Variants in DACH2 observed in about 807,000 individuals in gnomAD.
DACH2 encodes the protein dachshund homolog 2.
A neutral mutation model predicts 35.8 loss-of-function variants in DACH2; 17 were observed. The ratio of observed to expected loss-of-function variants is 0.48; its 90% CI spans 0.33 to 0.71. The LOEUF is 0.71. Ranked by LOEUF, DACH2 falls within the 30% of genes least tolerant of loss-of-function variation. The pLI is 0.02. For missense variants in DACH2, 469 were observed against 472.7 expected (o/e 0.99, Z 0.07); for synonymous variants, 195 against 177.3 (o/e 1.10, Z -0.79).
intron 3 of DACH2, among the ~76,000 whole-genome samples, chrX:86,608,665 C>T (rs774777540): frequency 2.7e-5 from 3 of 111,414 alleles, no homozygotes; most frequent in African/African-American, 9.8e-5. Flanking sequence ...TTGTTTGTCT[C>T]GGATAGTCAT....
intron 3 of DACH2, among the ~76,000 whole-genome samples, chrX:86,589,402 T>C (rs2039615330): frequency 9.0e-6 from 1 of 111,489 alleles, no homozygotes; most frequent in Admixed American, 9.6e-5. Flanking sequence ...TATTTATTTT[T>C]TAGATACATT....
rs142882140 is a variant in DACH2, at chrX:86,509,733, C to T, written c.528-4546C>T. Among the ~76,000 whole-genome samples, 863 of 112,041 alleles carry T rather than the reference C, an allele frequency of 7.7e-3. 8 individuals are homozygous for T. Among genetic ancestry groups the T allele is most frequent in the African/African-American group, 0.027 (819 of 30,900 alleles). On this transcript the variant is annotated intron_variant, in intron 2 of 11. Coordinates refer to ENST00000373125, the MANE Select transcript of DACH2 (RefSeq NM_053281.3). ...ATAAAGAGATTCTTATTTAATATAA[C>T]GTGCACATTGAAATTCAGAGCAGCA... is the stretch of plus-strand genomic sequence containing the variant.
intron 7 of DACH2, among the ~76,000 whole-genome samples, chrX:86,783,077 C>A (rs1320310190): frequency 1.8e-5 from 2 of 111,457 alleles, no homozygotes; most frequent in South Asian, 3.7e-4. Context: ...GGAAAAAAAT[C>A]TTATAATCTG....
chrX:86,314,701 C>G (rs1218632263), intron 1 of DACH2, among the ~76,000 whole-genome samples: 1 of 112,022 alleles, frequency 8.9e-6, no homozygotes, highest in African/African-American at 3.2e-5. Flanking sequence ...GCAAAACAGG[C>G]TTTTGCTGAT....
rs1050983975 is a variant in DACH2 at position 86,270,205 on chromosome X, C to T, written c.489-106619C>T. On this transcript the variant is annotated intron_variant, in intron 1 of 11. Coordinates refer to ENST00000373125, the MANE Select transcript of DACH2 (RefSeq NM_053281.3). ...GTCAGAGTAAAGTTGAGTGACCTGC[C>T]GAGCTTTGAAGATGGATATCAGAAC... Among the ~76,000 whole-genome samples, 5 of 108,492 alleles carry T rather than the reference C, an allele frequency of 4.6e-5. No homozygotes were observed. In the East Asian group the frequency reaches 1.2e-3, roughly 25 times the overall value. 94.2% of individuals were successfully genotyped at this position (108,492 alleles called of 115,157 possible).
intron 2 of DACH2, among the ~76,000 whole-genome samples, chrX:86,495,091 A>T (rs1012588714): frequency 5.4e-5 from 6 of 111,488 alleles, no homozygotes; most frequent in African/African-American, 2.0e-4. Flanking sequence ...TCTGTCACCC[A>T]GGCAGGAGTG....
At chrX:86,199,434 G>T (rs945882693) in intron 1 of DACH2, among the ~76,000 whole-genome samples, 2 of 111,428 alleles carry the variant, frequency 1.8e-5, no homozygotes, top group Admixed American at 9.6e-5. Flanking sequence ...GCAAGAGAAA[G>T]AAATAAAGGG....
rs2032323288 is a variant in DACH2, at chrX:86,206,761, T to C, written c.488+57653T>C. ...TCTTATTTTCTTCACAGTTTTACTATCTGGAAGCCCATCTTTGGATCCTAC... is the reference window on the plus strand; with the variant it reads ...TCTTATTTTCTTCACAGTTTTACTACCTGGAAGCCCATCTTTGGATCCTAC... On this transcript the variant is annotated intron_variant, in intron 1 of 11. Transcript: ENST00000373125. Among the ~76,000 whole-genome samples the C allele has an allele frequency of 3.6e-5, 4 of 111,911 alleles. No homozygotes were observed. In the South Asian group the frequency reaches 1.5e-3, roughly 42 times the overall value.
At chrX:86,475,885 A>C (rs1380403688) in intron 2 of DACH2, among the ~76,000 whole-genome samples, 1 of 111,951 alleles carries the variant, frequency 8.9e-6, no homozygotes, top group Non-Finnish European at 1.9e-5. Context: ...TTTATCATAA[A>C]AGGATGTTGA....
intron 2 of DACH2, among the ~76,000 whole-genome samples, chrX:86,476,613 G>A (rs1459388589): frequency 9.0e-6 from 1 of 110,751 alleles, no homozygotes; most frequent in Non-Finnish European, 1.9e-5. Context: ...TTGTTTCCTT[G>A]ATCTTTTGTA....
At chrX:86,576,335 T>C (rs781462376) in intron 3 of DACH2, among the ~76,000 whole-genome samples, 3 of 112,091 alleles carry the variant, frequency 2.7e-5, no homozygotes, top group African/African-American at 9.7e-5. Flanking sequence ...TTGCCTAATA[T>C]GCATTAACAT....
chrX:86,250,156 C>T (rs906000188), intron 1 of DACH2, among the ~76,000 whole-genome samples: 2 of 111,413 alleles, frequency 1.8e-5, no homozygotes, highest in Non-Finnish European at 3.8e-5. Context: ...CTGCATTCCA[C>T]AATTTACCCA....
intron 1 of DACH2, among the ~76,000 whole-genome samples, chrX:86,214,721 G>T (rs1006460346): frequency 1.8e-4 from 20 of 111,514 alleles, no homozygotes; most frequent in Non-Finnish European, 3.4e-4. Flanking sequence ...TCAAAATAAA[G>T]AAAATTTAGC....
chrX:86,742,906 G>A (rs776101891), intron 7 of DACH2, among the ~76,000 whole-genome samples: 1 of 111,163 alleles, frequency 9.0e-6, no homozygotes, highest in South Asian at 3.7e-4. Context: ...TTATTTGGGA[G>A]GTTATAAATT....
At chrX:86,369,741 AT>A (rs1406984997) in intron 1 of DACH2, among the ~76,000 whole-genome samples, 1 of 111,399 alleles carries the variant, frequency 9.0e-6, no homozygotes, top group Non-Finnish European at 1.9e-5. Context: ...ATGAATCTAT[AT>A]TTTTACCAAT....
chrX:86,172,343 A>G (rs2031152464), intron 1 of DACH2, among the ~76,000 whole-genome samples: 1 of 111,690 alleles, frequency 9.0e-6, no homozygotes, highest in Non-Finnish European at 1.9e-5. Context: ...TTTTTTACTC[A>G]ATGTTAAATC....
intron 2 of DACH2, among the ~76,000 whole-genome samples, chrX:86,400,029 A>G (rs1420521551): frequency 9.0e-6 from 1 of 111,691 alleles, no homozygotes; most frequent in African/African-American, 3.3e-5. Flanking sequence ...AATCAGATGT[A>G]GATTTGGTCT....
intron 1 of DACH2, among the ~76,000 whole-genome samples, chrX:86,274,486 C>CTTTTTTTTTTTTTTTTTTTTTT (rs1569324707): frequency 8.2e-5 from 1 of 12,176 alleles, no homozygotes; most frequent in African/African-American, 5.9e-4. Context: ...GAGACGGAGT[C>CTTTTTTTTTTTTTTTTTTTTTT]TTTCTGTTTT....
At chrX:86,786,962 G>C (rs984778763) in intron 7 of DACH2, among the ~76,000 whole-genome samples, 1 of 110,972 alleles carries the variant, frequency 9.0e-6, no homozygotes, top group African/African-American at 3.3e-5. Flanking sequence ...GGTTTTATAA[G>C]GGGGAGTCTC....
Sources: allele counts gnomAD v4.1 joint callset (sites outside exome capture counted in the v4.1 genomes callset), GRCh38; gene constraint gnomAD v4.1.1; transcripts MANE v1.5; gene names NCBI Gene and HGNC (gene_info 2026-07-23, HGNC 2026-07-21).